TMEM232: variants seen among roughly 807,000 people sequenced by gnomAD.
TMEM232 encodes the protein transmembrane protein 232.
Under a neutral mutation model 78.8 loss-of-function variants are expected in TMEM232, and 80 were observed. The observed-to-expected ratio is 1.01, with a 90% CI of 0.85 to 1.22. The LOEUF (loss-of-function observed/expected upper bound fraction) is 1.22, where lower values mean the gene tolerates loss of function less well. Ranked by LOEUF, TMEM232 falls within the 50% of genes most tolerant of loss-of-function variation. The pLI, the probability that TMEM232 is intolerant of heterozygous loss-of-function variation, is 0.00. For missense variants in TMEM232, 881 were observed against 742.2 expected (o/e 1.19, Z -2.17); for synonymous variants, 297 against 254.3 (o/e 1.17, Z -1.60).
At chr5:110,533,048 C>T (rs1771784766) in intron 11 of TMEM232, among the ~76,000 whole-genome samples, 2 of 152,266 alleles carry the variant, frequency 1.3e-5, no homozygotes, top group African/African-American at 4.8e-5. Flanking sequence ...CTATTGTCCT[C>T]AATACCTTCC....
chr5:110,710,558 A>C (rs374548548), intron 1 of TMEM232, among the ~76,000 whole-genome samples: 3 of 152,154 alleles, frequency 2.0e-5, no homozygotes, highest in African/African-American at 7.2e-5. Flanking sequence ...GACGAAGAGA[A>C]ATTTATCCCA....
At chr5:110,671,181 A>G (rs2150144621) in intron 1 of TMEM232, among the ~76,000 whole-genome samples, 1 of 152,328 alleles carries the variant, frequency 6.6e-6, no homozygotes, top group East Asian at 1.9e-4. Context: ...GAGAAATGCA[A>G]ACCAAAGCCA....
chr5:110,516,837 A>T (rs532585288), intron 12 of TMEM232, among the ~76,000 whole-genome samples: 6 of 151,744 alleles, frequency 4.0e-5, no homozygotes, highest in African/African-American at 7.3e-5. Flanking sequence ...ACACAAGGAA[A>T]TTTTTTTTGG....
At chr5:110,737,722 T>A (rs1799337248) in intron 1 of TMEM232, among the ~76,000 whole-genome samples, 1 of 152,214 alleles carries the variant, frequency 6.6e-6, no homozygotes, top group African/African-American at 2.4e-5. Flanking sequence ...GTATGAACTC[T>A]TTGTACATTA....
In TMEM232 at chr5:110,394,485, T is replaced by G. The variant is rs533140763; in HGVS notation, n.390+3288A>C. ...TATATACCTACCAATAGAATTCTGT[T>G]TTTAGTTTTTTGAGGAACTTCCAAG... On this transcript the variant is annotated intron_variant and non_coding_transcript_variant, in intron 3 of 8. Coordinates refer to the TMEM232 transcript ENST00000507188. Among the ~76,000 whole-genome samples, 30 of 152,288 alleles carry G rather than the reference T, an allele frequency of 2.0e-4. No homozygotes were observed. In the South Asian group the frequency reaches 6.0e-3, roughly 30 times the overall value.
At chr5:110,622,499 T>C (rs536217464) in intron 7 of TMEM232, among the ~76,000 whole-genome samples, 2 of 152,322 alleles carry the variant, frequency 1.3e-5, no homozygotes, top group South Asian at 4.1e-4. Context: ...ATTTCATCCA[T>C]GTCCCTACAA....
intron 1 of TMEM232, among the ~76,000 whole-genome samples, chr5:110,722,797 CTTTTTATA>C (rs907300664): frequency 2.0e-5 from 3 of 152,118 alleles, no homozygotes; most frequent in Non-Finnish European, 2.9e-5. Context: ...AGCCATAGTA[CTTTTTATA>C]TGCTTGTTTG....
At chr5:110,457,144 T>C (rs752871960) in intron 12 of TMEM232, among the ~76,000 whole-genome samples, 23 of 152,102 alleles carry the variant, frequency 1.5e-4, no homozygotes, top group Non-Finnish European at 2.9e-4. Flanking sequence ...ATATTCACTA[T>C]GCAAGAAAAA....
At chr5:110,560,116 T>C (rs746770294) in intron 11 of TMEM232, among the ~76,000 whole-genome samples, 30 of 152,296 alleles carry the variant, frequency 2.0e-4, no homozygotes, top group South Asian at 4.1e-4. Flanking sequence ...ACATCTCTTT[T>C]TGGGAGCTAC....
chr5:110,705,738 ATGTGTGTGTGTGTG>A (rs386404691), intron 1 of TMEM232, among the ~76,000 whole-genome samples: 9 of 144,432 alleles, frequency 6.2e-5, no homozygotes, highest in East Asian at 2.1e-4. Context: ...ACACACACAT[ATGTGTGTGTGTGTG>A]TATGTGTGTG....
At chr5:110,397,750 T>C (rs537463705) in intron 3 of TMEM232, 11 of 152,738 alleles carry the variant, frequency 7.2e-5, no homozygotes, top group African/African-American at 2.6e-4. Context: ...TATTGTTAGA[T>C]ATGGTAATTT....
At chr5:110,696,386 C>T (rs934363682) in intron 1 of TMEM232, among the ~76,000 whole-genome samples, 10 of 152,118 alleles carry the variant, frequency 6.6e-5, no homozygotes, top group Non-Finnish European at 1.3e-4. Flanking sequence ...CCTTTGAAAA[C>T]GGGCACAAGA....
At chr5:110,452,592 T>C (rs1156883366) in intron 12 of TMEM232, among the ~76,000 whole-genome samples, 1 of 152,168 alleles carries the variant, frequency 6.6e-6, no homozygotes, top group Admixed American at 6.5e-5. Flanking sequence ...CATCAAATTA[T>C]CTCTGAGCAG....
chr5:110,457,769 C>G (rs1041404715), intron 12 of TMEM232, among the ~76,000 whole-genome samples: 18 of 151,788 alleles, frequency 1.2e-4, no homozygotes, highest in Admixed American at 1.3e-4. Context: ...AATGTAGGTG[C>G]TATAAGATAA....
chr5:110,668,184 G>A (rs909417044), intron 1 of TMEM232, among the ~76,000 whole-genome samples: 5 of 152,020 alleles, frequency 3.3e-5, no homozygotes, highest in Admixed American at 3.3e-4. Flanking sequence ...AAATACATGG[G>A]CAGAACTACA....
chr5:110,642,614 A>T (rs1049893544), intron 2 of TMEM232, among the ~76,000 whole-genome samples: 2 of 152,070 alleles, frequency 1.3e-5, no homozygotes, highest in East Asian at 3.9e-4. Flanking sequence ...CCTGAGAAAA[A>T]GTTTCTGAGA....
At chr5:110,734,143 T>A (rs77859888) in intron 2 of TMEM232, among the ~76,000 whole-genome samples, 5,307 of 152,298 alleles carry the variant, frequency 0.035, 294 homozygotes, top group African/African-American at 0.12. Context: ...ATAATCTTAG[T>A]GGTTTAAAAT....
In TMEM232 at chr5:110,618,213, C is replaced by T. The variant is rs75671601; in HGVS notation, c.902+216G>A. On this transcript the variant is annotated intron_variant, in intron 8 of 13. Transcript: ENST00000455884. ...TAAAAAAAAAACTATGCAGTGTATG[C>T]GTGCACATCTAGCAAAGCAGAAAAA... Among the ~76,000 whole-genome samples the T allele has an allele frequency of 7.2e-3, 1,093 of 151,968 alleles. 14 individuals are homozygous for T. The highest frequency in any genetic ancestry group is 0.025 in the African/African-American group (1,041 of 41,470).
intron 12 of TMEM232, among the ~76,000 whole-genome samples, chr5:110,489,132 A>G (rs774844785): frequency 3.3e-5 from 5 of 152,008 alleles, no homozygotes; most frequent in Non-Finnish European, 4.4e-5. Context: ...AGATATTTAA[A>G]GAATTAACAT....
Sources: allele counts gnomAD v4.1 joint callset (sites outside exome capture counted in the v4.1 genomes callset), GRCh38; gene constraint gnomAD v4.1.1; transcripts MANE v1.5; gene names NCBI Gene and HGNC (gene_info 2026-07-23, HGNC 2026-07-21).